EPB41L4B: variants seen among roughly 807,000 people sequenced by gnomAD.
The protein encoded by EPB41L4B is band 4.1-like protein 4B.
EPB41L4B carries 30 observed loss-of-function variants against 112.5 expected under a neutral mutation model. The ratio of observed to expected loss-of-function variants is 0.27; its 90% CI spans 0.20 to 0.36. EPB41L4B has a LOEUF of 0.36. Among genes scored for constraint, EPB41L4B ranks in the 10% least tolerant of loss-of-function variants. EPB41L4B has a pLI of 1.00. For synonymous variants in EPB41L4B, 408 were observed against 439.7 expected (o/e 0.93, Z 0.90); for missense variants, 1,024 against 1,133.3 (o/e 0.90, Z 1.38).
In EPB41L4B at chr9:109,213,923, C is replaced by T. The variant is rs547294610; in HGVS notation, c.1634-105G>A. 2.7e-4 allele frequency: 253 copies of T among 933,352 alleles called. 2 individuals carry two copies. The South Asian group carries it at 2.9e-3, about 11-fold the overall frequency. 57.8% of individuals were successfully genotyped at this position (933,352 alleles called of 1,614,324 possible). The stretch of plus-strand genomic sequence containing the variant: ...GCCCGATTCCCAGCACCCTTTCTGC[C>T]GGCCTCCTCCTCCAGCAGCTCTCAT... On this transcript the variant is annotated intron_variant, in intron 16 of 25. Transcript: ENST00000374566.
intron 4 of EPB41L4B, among the ~76,000 whole-genome samples, 161 bp downstream of exon 4, chr9:109,267,312 G>A (rs1416865146): frequency 6.6e-6 from 1 of 152,216 alleles, no homozygotes; most frequent in Non-Finnish European, 1.5e-5. Context: ...CAAAGTTGTG[G>A]ATTTTTAACG....
At chr9:109,232,679 G>A (rs992199468) in intron 15 of EPB41L4B, among the ~76,000 whole-genome samples, 4 of 152,234 alleles carry the variant, frequency 2.6e-5, no homozygotes, top group Non-Finnish European at 4.4e-5. Flanking sequence ...AGATGAATAA[G>A]ATGCATAATC....
intron 4 of EPB41L4B, 73 bp from the exon 5 acceptor site, chr9:109,265,097 C>T (rs1835351866): frequency 8.3e-7 from 1 of 1,201,374 alleles, no homozygotes; most frequent in African/African-American, 1.5e-5. Context: ...CTTCCCACTG[C>T]AAACCCCACC....
At chr9:109,308,373 T>A (rs1457323613) in intron 1 of EPB41L4B, among the ~76,000 whole-genome samples, 1 of 152,108 alleles carries the variant, frequency 6.6e-6, no homozygotes, top group East Asian at 1.9e-4. Context: ...GTGACCAATG[T>A]TGAGGATGCA....
At chr9:109,291,607 A>C (rs1482274023) in intron 1 of EPB41L4B, among the ~76,000 whole-genome samples, 1 of 152,236 alleles carries the variant, frequency 6.6e-6, no homozygotes, top group Admixed American at 6.5e-5. Context: ...CCAGGCTAAC[A>C]ATCTCTTAGA....
At chr9:109,285,336 T>C (rs1004392580) in intron 1 of EPB41L4B, among the ~76,000 whole-genome samples, 2 of 151,970 alleles carry the variant, frequency 1.3e-5, no homozygotes, top group South Asian at 2.1e-4. Context: ...GAGGTGGAGG[T>C]TGGGAAAGGG....
intron 23 of EPB41L4B, 105 bp downstream of exon 23, chr9:109,185,384 G>A (rs1032318063): frequency 3.4e-5 from 32 of 932,684 alleles, no homozygotes; most frequent in East Asian, 2.2e-4. Flanking sequence ...GGCTCTGCCC[G>A]AGATCTGGGG....
intron 17 of EPB41L4B, among the ~76,000 whole-genome samples, chr9:109,213,378 T>G (rs923635540): frequency 1.3e-5 from 2 of 152,142 alleles, no homozygotes; most frequent in African/African-American, 4.8e-5. Flanking sequence ...CAGAGGGAGA[T>G]AGAGGGCTAG....
Position 109,280,027 on chromosome 9 carries a change from C to T in EPB41L4B, c.307-106G>A. 5.5e-6 allele frequency: 4 copies of T among 724,720 alleles called. 1 individual carries two copies. In the South Asian group the frequency reaches 7.7e-5, roughly 14 times the overall value. The allele number at this position is 724,720 out of a possible 1,614,324, so 44.9% of individuals were successfully genotyped here. A position where few individuals can be genotyped will look rare whatever the true frequency, so the allele number is the denominator to read the frequency against. The stretch of plus-strand genomic sequence containing the variant: ...TCTTTGTAAATTGCATACATGTCAG[C>T]ACACACAAATTTTTAAATTTGTAAT... On this transcript the variant is annotated intron_variant, in intron 1 of 25. Coordinates refer to ENST00000374566, the MANE Select transcript of EPB41L4B (RefSeq NM_019114.5).
chr9:109,187,392 G>C (rs76696198), intron 22 of EPB41L4B, among the ~76,000 whole-genome samples: 44 of 148,680 alleles, frequency 3.0e-4, no homozygotes, highest in Middle Eastern at 3.4e-3. Context: ...ATTCAAATTT[G>C]GGAGATGTAG....
At chr9:109,197,438 T>A (rs1832679578) in intron 20 of EPB41L4B, among the ~76,000 whole-genome samples, 1 of 147,558 alleles carries the variant, frequency 6.8e-6, no homozygotes, top group South Asian at 2.2e-4. Flanking sequence ...AATAAAATAA[T>A]AATAATAATA....
intron 2 of EPB41L4B, among the ~76,000 whole-genome samples, chr9:109,277,882 G>T (rs1365192711): frequency 5.3e-5 from 8 of 152,156 alleles, no homozygotes; most frequent in Non-Finnish European, 1.2e-4. Context: ...ATGGGGACTG[G>T]CAGAATTCTG....
chr9:109,256,472 C>T lies in EPB41L4B; in HGVS notation c.761G>A (p.Ser254Asn). ...FQRWKECRGK[S>N]PAQAELSYLN... ...ATAGGAGAGTTCCGCCTGGGCAGGG[C>T]TCTTTCCCCTTAGAAAAACCAATGG... Residue 254 changes from serine to asparagine, a missense_variant, in exon 8 of 26, where the codon AGC (serine) becomes AAC (asparagine). By Grantham distance (46) the Ser-to-Asn change is conservative. Transcript: ENST00000374566. 1 of 1,613,752 alleles carries T rather than the reference C, an allele frequency of 6.2e-7. No homozygotes were observed. Among genetic ancestry groups the T allele is most frequent in the Non-Finnish European group, 8.5e-7 (1 of 1,179,926 alleles).
intron 17 of EPB41L4B, among the ~76,000 whole-genome samples, chr9:109,209,890 G>C (rs1316070880): frequency 6.6e-6 from 1 of 152,178 alleles, no homozygotes; most frequent in Non-Finnish European, 1.5e-5. Flanking sequence ...AAGCAGAGGA[G>C]CCAAGATTGA....
intron 1 of EPB41L4B, among the ~76,000 whole-genome samples, chr9:109,284,239 G>T (rs905813856): frequency 1.3e-5 from 2 of 152,144 alleles, no homozygotes; most frequent in African/African-American, 4.8e-5. Context: ...ATTGAATAAT[G>T]TACTGAAAGT....
At chr9:109,265,725 C>T (rs1835378867) in intron 4 of EPB41L4B, among the ~76,000 whole-genome samples, 1 of 152,046 alleles carries the variant, frequency 6.6e-6, no homozygotes, top group East Asian at 1.9e-4. Context: ...TTGTTTTTTA[C>T]CAGGAGGATG....
At chr9:109,320,113 AGTGCC>A (rs1264260935) in intron 1 of EPB41L4B, 23 bp downstream of exon 1, 1 of 1,405,764 alleles carries the variant, frequency 7.1e-7, no homozygotes, top group Non-Finnish European at 9.3e-7. Flanking sequence ...GCGAGGTGCC[AGTGCC>A]CCAGACTGGC....
At chr9:109,230,312 A>T (rs1833910839) in intron 15 of EPB41L4B, among the ~76,000 whole-genome samples, 1 of 152,234 alleles carries the variant, frequency 6.6e-6, no homozygotes, top group Non-Finnish European at 1.5e-5. Context: ...GCTAGGCAAT[A>T]CTGCTTTGCC....
intron 23 of EPB41L4B, among the ~76,000 whole-genome samples, chr9:109,184,591 G>T (rs1005283144): frequency 1.3e-5 from 2 of 152,232 alleles, no homozygotes; most frequent in African/African-American, 4.8e-5. Flanking sequence ...TATACCTGCT[G>T]TAAATTAGAA....
Sources: gnomAD v4.1 joint callset for allele counts (sites outside exome capture counted in the v4.1 genomes callset) on GRCh38, gnomAD v4.1.1 for gene constraint, MANE v1.5 for transcripts, NCBI Gene and HGNC (gene_info 2026-07-23, HGNC 2026-07-21) for gene names.